The following EPM2A variants were observed in gnomAD, a reference collection of about 807,000 sequenced individuals.
The protein encoded by EPM2A is laforin.
Under a neutral mutation model 26.5 loss-of-function variants are expected in EPM2A, and 21 were observed. That is an observed-to-expected ratio of 0.79 (90% CI 0.56 to 1.14). EPM2A has a LOEUF of 1.14. Ranked by LOEUF, EPM2A falls within the 50% of genes most tolerant of loss-of-function variation. The probability of loss-of-function intolerance (pLI) is 0.00; values close to 1 mark genes in which losing one functional copy is unlikely to be tolerated. For synonymous variants in EPM2A, 217 were observed against 177.6 expected (o/e 1.22, Z -1.76); for missense variants, 458 against 440.8 (o/e 1.04, Z -0.35).
intron 2 of EPM2A, among the ~76,000 whole-genome samples, chr6:145,656,633 A>C (rs1778310118): frequency 6.6e-6 from 1 of 152,228 alleles, no homozygotes; most frequent in Non-Finnish European, 1.5e-5. Flanking sequence ...GGGCTTGATC[A>C]ATATCAGGTT....
chr6:145,557,874 A>G (rs1014450123), intron 2 of EPM2A, among the ~76,000 whole-genome samples: 2 of 152,062 alleles, frequency 1.3e-5, no homozygotes, highest in African/African-American at 4.8e-5. Context: ...TTTGACCAAC[A>G]TCTCCCCAAA....
intron 4 of EPM2A, among the ~76,000 whole-genome samples, chr6:145,468,450 C>T (rs1034841364): frequency 6.6e-6 from 1 of 151,936 alleles, no homozygotes; most frequent in Non-Finnish European, 1.5e-5. Flanking sequence ...TATTTTATTC[C>T]ATATTATATT....
At chr6:145,466,885 T>A (rs1779404101) in intron 4 of EPM2A, among the ~76,000 whole-genome samples, 1 of 152,092 alleles carries the variant, frequency 6.6e-6, no homozygotes, top group South Asian at 2.1e-4. Context: ...CAGTAAACTA[T>A]CGCAAGAACA....
chr6:145,625,174 A>T (rs1029421909), downstream of EPM2A: 2 of 152,990 alleles, frequency 1.3e-5, no homozygotes, highest in African/African-American at 4.8e-5. Context: ...TTTAATTGAA[A>T]GAGGAAGAGT....
chr6:145,526,184 A>G (rs2114778799), intron 2 of EPM2A, among the ~76,000 whole-genome samples: 1 of 152,144 alleles, frequency 6.6e-6, no homozygotes, highest in Non-Finnish European at 1.5e-5. Flanking sequence ...GTGCTGCTGG[A>G]TTCAGTCTGC....
At chr6:145,512,349 T>C (rs1031352025) in intron 2 of EPM2A, among the ~76,000 whole-genome samples, 4 of 152,122 alleles carry the variant, frequency 2.6e-5, no homozygotes, top group Admixed American at 6.5e-5. Context: ...CTTCAAATTA[T>C]ACTACAAGGC....
At chr6:145,505,110 G>T (rs1779951989) in intron 2 of EPM2A, among the ~76,000 whole-genome samples, 1 of 117,380 alleles carries the variant, frequency 8.5e-6, no homozygotes, top group African/African-American at 3.2e-5. Flanking sequence ...TGGGGGGAGG[G>T]GGGAGGGATA....
In EPM2A at chr6:145,514,806, T is replaced by A. The variant is rs1264778352; in HGVS notation, c.341-12231A>T. On this transcript the variant is annotated intron_variant, in intron 2 of 3. Transcript: ENST00000450221. ...GAATAATTTGCTCCAAAATTATCAA[T>A]AGTGCCAAGGTCCAGAAATCCTAAT... 2.0e-5 allele frequency among the ~76,000 whole-genome samples: 3 copies of A among 152,182 alleles called. No homozygotes were observed. In the East Asian group the frequency reaches 5.8e-4, roughly 29 times the overall value.
intron 4 of EPM2A, among the ~76,000 whole-genome samples, chr6:145,418,214 C>G (rs1199914947): frequency 2.6e-5 from 4 of 152,222 alleles, no homozygotes; most frequent in African/African-American, 9.6e-5. Context: ...TTGTCTATAC[C>G]TGCTCCTCAG....
chr6:145,609,483 C>G lies in EPM2A; in HGVS notation c.340+25762G>C, dbSNP rs140112271. On this transcript the variant is annotated intron_variant, in intron 2 of 3. Coordinates refer to the EPM2A transcript ENST00000450221. ...TACCTAATCAAGACAGTTACATAAA[C>G]TCTAAATTATTTTAGGAGCTGATTC... 2.5e-3 allele frequency among the ~76,000 whole-genome samples: 374 copies of G among 152,324 alleles called. 4 individuals carry two copies. The highest frequency in any genetic ancestry group is 8.4e-3 in the African/African-American group (351 of 41,572).
chr6:145,392,844 G>T (rs1412059254), intron 4 of EPM2A, among the ~76,000 whole-genome samples: 5 of 152,042 alleles, frequency 3.3e-5, no homozygotes, highest in Non-Finnish European at 4.4e-5. Context: ...TTGTACTTAT[G>T]TGGGAAGCAG....
chr6:145,468,687 A>T (rs1779432121), intron 4 of EPM2A, among the ~76,000 whole-genome samples: 2 of 152,082 alleles, frequency 1.3e-5, no homozygotes, highest in Admixed American at 1.3e-4. Flanking sequence ...ACTAAAATAA[A>T]ACATTGGGGA....
chr6:145,721,916 A>T (rs1349169018), intron 1 of EPM2A, among the ~76,000 whole-genome samples: 2 of 152,176 alleles, frequency 1.3e-5, no homozygotes, highest in Non-Finnish European at 2.9e-5. Context: ...GGGGGGAAAA[A>T]TTCATAACTT....
chr6:145,474,443 C>G (rs1035013508), intron 4 of EPM2A, among the ~76,000 whole-genome samples: 11 of 152,078 alleles, frequency 7.2e-5, no homozygotes, highest in African/African-American at 1.2e-4. Context: ...ACCTGGGTGA[C>G]AGAGAGAGAC....
chr6:145,696,018 A>T (rs1321805576), intron 1 of EPM2A, among the ~76,000 whole-genome samples: 3 of 152,122 alleles, frequency 2.0e-5, no homozygotes, highest in Non-Finnish European at 4.4e-5. Context: ...AACAGATCAT[A>T]TGTTAAGCCA....
chr6:145,627,681 A>T lies in EPM2A; in HGVS notation c.731T>A (p.Met244Lys). ...PDMSTEGRVQ[M>K]LPQAVCLLHA... ...CAGCAGGCACACCGCCTGGGGCAGCATCTGTACTCGGCCTGCGGTGGGGAA... is the reference window on the plus strand; with the variant it reads ...CAGCAGGCACACCGCCTGGGGCAGCTTCTGTACTCGGCCTGCGGTGGGGAA... The change falls in exon 4 of 4, where the codon ATG becomes AAG. Residue 244 changes from methionine to lysine, a missense_variant. Met to Lys is a moderately conservative substitution (Grantham distance 95). Transcript: ENST00000367519. The T allele has an allele frequency of 6.2e-7, 1 of 1,614,146 alleles. No individual in the cohort carries two copies. The highest frequency in any genetic ancestry group is 8.5e-7 in the Non-Finnish European group (1 of 1,180,032).
intron 2 of EPM2A, among the ~76,000 whole-genome samples, chr6:145,569,053 AAT>A (rs1259636823): frequency 2.0e-5 from 3 of 152,186 alleles, no homozygotes; most frequent in Non-Finnish European, 4.4e-5. Flanking sequence ...GAATTGTTGA[AAT>A]GCTGTTCAGG....
At chr6:145,688,404 T>C (rs1189202662) in intron 1 of EPM2A, among the ~76,000 whole-genome samples, 1 of 152,198 alleles carries the variant, frequency 6.6e-6, no homozygotes, top group Non-Finnish European at 1.5e-5. Context: ...TAACAATGCC[T>C]CTTAAGCTTC....
intron 1 of EPM2A, among the ~76,000 whole-genome samples, chr6:145,731,372 A>T (rs1562530453): frequency 6.6e-6 from 1 of 152,236 alleles, no homozygotes; most frequent in Non-Finnish European, 1.5e-5. Flanking sequence ...ATATCCAAGG[A>T]CTACCAGATA....
Sources: allele counts gnomAD v4.1 joint callset (sites outside exome capture counted in the v4.1 genomes callset), GRCh38; gene constraint gnomAD v4.1.1; transcripts MANE v1.5; gene names NCBI Gene and HGNC (gene_info 2026-07-23, HGNC 2026-07-21).